VWA8: variants seen among roughly 807,000 people sequenced by gnomAD.
VWA8 encodes the protein von Willebrand factor A domain-containing protein 8.
A neutral mutation model predicts 241.5 loss-of-function variants in VWA8; 221 were observed. That is an observed-to-expected ratio of 0.91 (90% confidence interval 0.82 to 1.02). VWA8 has a LOEUF of 1.02. VWA8 is among the 50% of genes least tolerant of loss of function. The probability of loss-of-function intolerance (pLI) is 0.00; values close to 1 mark genes in which losing one functional copy is unlikely to be tolerated. For synonymous variants in VWA8, 852 were observed against 827.1 expected (o/e 1.03, Z -0.52); for missense variants, 2,322 against 2,328.7 (o/e 1.00, Z 0.06).
At chr13:41,605,078 A>C in intron 40 of VWA8, 90 bp downstream of exon 40, 2 of 1,300,502 alleles carry the variant, frequency 1.5e-6, no homozygotes, top group Non-Finnish European at 2.2e-6. Flanking sequence ...GGACTGGCTA[A>C]TTAGGGTTCA....
chr13:41,595,874 A>G (rs1368728003), intron 40 of VWA8, among the ~76,000 whole-genome samples: 4 of 152,154 alleles, frequency 2.6e-5, no homozygotes, highest in Non-Finnish European at 5.9e-5. Context: ...GAGTATGGAT[A>G]TGTTCAGCTT....
At chr13:41,852,318 C>T (rs1872559251) in intron 12 of VWA8, among the ~76,000 whole-genome samples, 1 of 152,074 alleles carries the variant, frequency 6.6e-6, no homozygotes, top group Non-Finnish European at 1.5e-5. Flanking sequence ...AAGTTGAGTT[C>T]CTTTTACAGT....
In VWA8 at chr13:41,719,677, A is replaced by C; in HGVS notation, c.3030T>G (p.Asn1010Lys). The C allele has an allele frequency of 6.2e-7, 1 of 1,613,158 alleles. No homozygotes were observed. Among genetic ancestry groups the C allele is most frequent in the Non-Finnish European group, 8.5e-7 (1 of 1,179,412 alleles). The change falls in exon 26 of 45, where the codon AAT (asparagine) becomes AAG (lysine). Residue 1010 changes from asparagine (N) to lysine (K), a missense_variant. By Grantham distance (94) the Asn-to-Lys change is moderately conservative. Transcript: ENST00000379310. ...TGTTAATCAATATCTCCCTCATGTC[A>C]TTGTTGTAGGAATCAAAGTCAAACA... ...RNVFDFDSYN[N>K]DMREILINTL...
chr13:41,924,508 G>A (rs779105386), intron 2 of VWA8, among the ~76,000 whole-genome samples: 3 of 151,990 alleles, frequency 2.0e-5, no homozygotes, highest in Non-Finnish European at 4.4e-5. Flanking sequence ...GAAAAAGAGT[G>A]AAGACAGCCC....
At chr13:41,945,742 T>C (rs1378230811) in intron 2 of VWA8, among the ~76,000 whole-genome samples, 2 of 151,894 alleles carry the variant, frequency 1.3e-5, no homozygotes, top group African/African-American at 4.8e-5. Flanking sequence ...GAAGAAATTA[T>C]AAAGAAAAAT....
chr13:41,651,003 G>A (rs181173120), intron 37 of VWA8, among the ~76,000 whole-genome samples: 1 of 152,294 alleles, frequency 6.6e-6, no homozygotes, highest in Non-Finnish European at 1.5e-5. Flanking sequence ...CTTACAACCA[G>A]AGGATTTTGC....
chr13:41,889,710 T>C (rs1364875375), intron 5 of VWA8, among the ~76,000 whole-genome samples: 1 of 152,140 alleles, frequency 6.6e-6, no homozygotes, highest in Non-Finnish European at 1.5e-5. Context: ...ATATCCTGAA[T>C]TCCTATCCAA....
At chr13:41,689,115 T>C (rs2137815147) in intron 34 of VWA8, among the ~76,000 whole-genome samples, 1 of 152,244 alleles carries the variant, frequency 6.6e-6, no homozygotes, top group Non-Finnish European at 1.5e-5. Flanking sequence ...ATATGGAGAA[T>C]ACTCATTTCC....
intron 2 of VWA8, among the ~76,000 whole-genome samples, chr13:41,927,622 TA>T (rs1876912400): frequency 6.7e-6 from 1 of 148,382 alleles, no homozygotes; most frequent in Non-Finnish European, 1.5e-5. Flanking sequence ...ACAAAAACAA[TA>T]CAGAGAAAGA....
intron 13 of VWA8, among the ~76,000 whole-genome samples, chr13:41,832,122 G>C (rs1871495853): frequency 2.6e-5 from 4 of 151,566 alleles, no homozygotes; most frequent in Admixed American, 2.0e-4. Flanking sequence ...GTAGAGAAAA[G>C]GTTTCACCAT....
In VWA8 at chr13:41,894,546, A is replaced by G. The variant is rs76116620; in HGVS notation, c.484-2959T>C. On this transcript the variant is annotated intron_variant, in intron 4 of 44. Coordinates refer to ENST00000379310, the MANE Select transcript of VWA8 (RefSeq NM_015058.2). ...TAACGAATGATAGAAATAGAAAATG[A>G]TCAATTTCGCAAACACCACAGTAGT... Among the ~76,000 whole-genome samples the G allele has an allele frequency of 4.8e-3, 733 of 152,330 alleles. 14 individuals carry two copies. The East Asian group carries it at 0.049, about 10-fold the overall frequency.
In VWA8 at chr13:41,949,558, G is replaced by A. The variant is rs571776543; in HGVS notation, c.241+378C>T. On this transcript the variant is annotated intron_variant, in intron 2 of 44. Coordinates refer to ENST00000379310, the MANE Select transcript of VWA8 (RefSeq NM_015058.2). The stretch of plus-strand genomic sequence containing the variant: ...GTTGATGGGTGCAGCAAACCACCAT[G>A]GCACGTGTATACCTATGTAACAAAC... Among the ~76,000 whole-genome samples the A allele has an allele frequency of 1.7e-3, 253 of 151,988 alleles. 1 individual carries two copies. The highest frequency in any genetic ancestry group is 5.6e-3 in the African/African-American group (232 of 41,422).
At chr13:41,750,396 G>A (rs1470733395) in intron 21 of VWA8, among the ~76,000 whole-genome samples, 1 of 150,624 alleles carries the variant, frequency 6.6e-6, no homozygotes, top group Non-Finnish European at 1.5e-5. Context: ...TCATGCCACT[G>A]GACTCCATCC....
Position 41,703,397 on chromosome 13 carries a change from T to C in VWA8, c.3131A>G (p.Glu1044Gly), listed in dbSNP as rs767739075. 1.2e-6 allele frequency: 2 copies of C among 1,614,084 alleles called. No homozygotes were observed. Among genetic ancestry groups the C allele is most frequent in the Admixed American group, 1.7e-5 (1 of 60,032 alleles). ...TGTCCAGTAGCCCATGAACGTTTGT[T>C]CTGGCAGAGTCAACCTGTTAAGGAT... Reference protein sequence around the residue: ...VQLAKELTLPEQTFMGYWTIG... With the variant: ...VQLAKELTLPGQTFMGYWTIG... Residue 1044 changes from glutamate to glycine, a missense_variant, in exon 27 of 45, where the codon GAA (glutamate) becomes GGA (glycine). Glu to Gly is a moderately conservative substitution (Grantham distance 98). Transcript: ENST00000379310.
At chr13:41,732,233 T>C in intron 21 of VWA8, 78 bp from the exon 22 acceptor site, 1 of 1,366,102 alleles carries the variant, frequency 7.3e-7, no homozygotes, top group South Asian at 1.3e-5. Context: ...ACAGCACAGG[T>C]GCATTTTTTA....
intron 37 of VWA8, among the ~76,000 whole-genome samples, chr13:41,666,040 G>A (rs2044983700): frequency 6.6e-6 from 1 of 152,014 alleles, no homozygotes; most frequent in South Asian, 2.1e-4. Flanking sequence ...TTATTTGCTT[G>A]CCTTAGGGAG....
At chr13:41,829,857 C>G (rs1449831092) in intron 14 of VWA8, among the ~76,000 whole-genome samples, 1 of 152,040 alleles carries the variant, frequency 6.6e-6, no homozygotes, top group Non-Finnish European at 1.5e-5. Flanking sequence ...ACAGGTATAC[C>G]AAAATCTCAG....
chr13:41,586,810 T>A (rs755998383), intron 42 of VWA8, among the ~76,000 whole-genome samples: 9 of 152,206 alleles, frequency 5.9e-5, no homozygotes, highest in Non-Finnish European at 1.2e-4. Flanking sequence ...GCATACAGCA[T>A]TTCTCATGAT....
intron 20 of VWA8, among the ~76,000 whole-genome samples, chr13:41,763,485 C>T (rs7319641): frequency 0.69 from 104,275 of 151,938 alleles, 37,864 homozygotes; most frequent in South Asian, 0.83. Context: ...CTTTTCAGTA[C>T]CTAATTGGAT....
Sources: gnomAD v4.1 joint callset for allele counts (sites outside exome capture counted in the v4.1 genomes callset) on GRCh38, gnomAD v4.1.1 for gene constraint, MANE v1.5 for transcripts, NCBI Gene and HGNC (gene_info 2026-07-23, HGNC 2026-07-21) for gene names.